KIRREL3: variants seen among roughly 807,000 people sequenced by gnomAD.
KIRREL3 encodes kin of IRRE-like protein 3.
A neutral mutation model predicts 89.7 loss-of-function variants in KIRREL3; 36 were observed. The observed-to-expected ratio is 0.40, with a 90% CI of 0.31 to 0.53. The LOEUF is 0.53. Ranked by LOEUF, KIRREL3 falls within the 20% of genes least tolerant of loss-of-function variation. The pLI, the probability that KIRREL3 is intolerant of heterozygous loss-of-function variation, is 0.49. For missense variants in KIRREL3, 864 were observed against 1,056.6 expected (o/e 0.82, Z 2.53); for synonymous variants, 445 against 441.4 (o/e 1.01, Z -0.10).
At chr11:126,597,832 C>T (rs528569981) in intron 1 of KIRREL3, among the ~76,000 whole-genome samples, 1 of 152,372 alleles carries the variant, frequency 6.6e-6, no homozygotes, top group South Asian at 2.1e-4. Flanking sequence ...CCTCTGCACC[C>T]ATTCCTGTCT....
chr11:126,471,395 A>T lies in KIRREL3; in HGVS notation c.591+1914T>A, dbSNP rs900062808. ...CAAAATAAATAAATAAATAAATAAA[A>T]TAAATAAAAAATAAAAAAAGAAAGA... is the stretch of plus-strand genomic sequence containing the variant. On this transcript the variant is annotated intron_variant, in intron 5 of 16. Transcript: ENST00000525144. The surrounding 1 kb of genome is among the most constrained non-coding windows in gnomAD (Gnocchi z 5.4). Among the ~76,000 whole-genome samples, 2 of 130,748 alleles carry T rather than the reference A, an allele frequency of 1.5e-5. No individual in the cohort carries two copies. The highest frequency in any genetic ancestry group is 5.3e-5 in the African/African-American group (2 of 37,544). The allele number at this position is 130,748 out of a possible 152,430, so 85.8% of individuals were successfully genotyped here.
In KIRREL3 at chr11:126,943,683, G is replaced by A. The variant is rs1375685182; in HGVS notation, c.55+56772C>T. ...GGTCACCAGGGCCAGAATGACTGAT[G>A]TGAGGGGTCAAGGGCAGGCTTTGCC... On this transcript the variant is annotated intron_variant, in intron 1 of 16. Coordinates refer to ENST00000525144, the MANE Select transcript of KIRREL3 (RefSeq NM_032531.4). The surrounding 1 kb of genome is among the most constrained non-coding windows in gnomAD (Gnocchi z 4.2). Among the ~76,000 whole-genome samples, 6 of 152,216 alleles carry A rather than the reference G, an allele frequency of 3.9e-5. No homozygotes were observed. Among genetic ancestry groups the A allele is most frequent in the Admixed American group, 3.3e-4 (5 of 15,286 alleles).
intron 1 of KIRREL3, among the ~76,000 whole-genome samples, chr11:126,899,712 T>C (rs911657053): frequency 6.6e-6 from 1 of 152,142 alleles, no homozygotes; most frequent in African/African-American, 2.4e-5. Context: ...AGCAGGAAGG[T>C]TGATTAAGTC....
intron 1 of KIRREL3, among the ~76,000 whole-genome samples, chr11:126,629,250 T>C (rs1943917348): frequency 6.6e-6 from 1 of 152,080 alleles, no homozygotes; most frequent in Non-Finnish European, 1.5e-5. Context: ...CACATGTGGG[T>C]AGAGGCGGAC....
chr11:126,733,730 A>T (rs1948709726), intron 1 of KIRREL3, among the ~76,000 whole-genome samples: 1 of 152,202 alleles, frequency 6.6e-6, no homozygotes, highest in Admixed American at 6.5e-5. Flanking sequence ...TTAATATTTT[A>T]TGAATTTCCC....
At chr11:126,957,560 C>T (rs1339415800) in intron 1 of KIRREL3, among the ~76,000 whole-genome samples, 3 of 152,208 alleles carry the variant, frequency 2.0e-5, no homozygotes, top group African/African-American at 7.2e-5. Flanking sequence ...ACTGCCAGCT[C>T]TGCAATTTCT....
chr11:126,937,256 C>G (rs1169993505), intron 1 of KIRREL3: 1 of 152,232 alleles, frequency 6.6e-6, no homozygotes, highest in African/African-American at 2.4e-5. Flanking sequence ...TCCCATTTAT[C>G]TCAGTGTGGG....
rs1367795436 is a variant in KIRREL3, at chr11:126,521,454, C to G, written c.294G>C (p.Gln98His). 1 of 1,582,608 alleles carries G rather than the reference C, an allele frequency of 6.3e-7. No individual in the cohort carries two copies. Among genetic ancestry groups the G allele is most frequent in the Non-Finnish European group, 8.6e-7 (1 of 1,164,316 alleles). ...ACAGGTGGTTCCCTACCACCAGGTA[C>G]TGTGGGTAACCTGTGGAGACAACAG... The part of the protein sequence containing the change: ...GVGRDLSSYP[Q>H]YLVVGNHLSG... The change falls in exon 4 of 17, where the codon CAG (glutamine) becomes CAC (histidine). Residue 98 changes from glutamine (Q) to histidine (H), a missense_variant. Gln to His is a conservative substitution (Grantham distance 24, BLOSUM62 0). Transcript: ENST00000525144. This position sits in a 1 kb window ranked among gnomAD's most constrained non-coding sequence, Gnocchi z 4.1.
At position 126,594,648 on chromosome 11, in the gene KIRREL3, C is replaced by G. The variant is rs1343140890; in HGVS notation, c.56-31736G>C. Among the ~76,000 whole-genome samples the G allele has an allele frequency of 6.6e-6, 1 of 151,446 alleles. No homozygotes were observed. The highest frequency in any genetic ancestry group is 1.5e-5 in the Non-Finnish European group (1 of 68,038). ...TGGTGCCTTTAAGAGTGCAATGAGG[C>G]CGCAGCAGAAACTATCTCTAAGGCC... On this transcript the variant is annotated intron_variant, in intron 1 of 16. Transcript: ENST00000525144. This position sits in a 1 kb window ranked among gnomAD's most constrained non-coding sequence, Gnocchi z 5.0.
intron 1 of KIRREL3, among the ~76,000 whole-genome samples, chr11:126,975,302 A>G (rs938189140): frequency 6.6e-6 from 1 of 152,084 alleles, no homozygotes; most frequent in Non-Finnish European, 1.5e-5. Flanking sequence ...ATGCACTATT[A>G]TCCATCCTCC....
Position 126,640,749 on chromosome 11 carries a change from G to A in KIRREL3, c.56-77837C>T, listed in dbSNP as rs972072529. Reference sequence around the variant, plus strand: ...TATGCCTAACTCTGTATGAGGGGTCGCTCAGAATGGAGGCATGCATGAAAG... The same window carrying A: ...TATGCCTAACTCTGTATGAGGGGTCACTCAGAATGGAGGCATGCATGAAAG... On this transcript the variant is annotated intron_variant, in intron 1 of 16. Transcript: ENST00000525144. This position sits in a 1 kb window ranked among gnomAD's most constrained non-coding sequence, Gnocchi z 4.9. 4.6e-5 allele frequency among the ~76,000 whole-genome samples: 7 copies of A among 152,064 alleles called. 1 individual carries two copies. In the South Asian group the frequency reaches 8.3e-4, roughly 18 times the overall value.
chr11:126,869,186 C>CATGGCAGAA (rs1945023261), intron 1 of KIRREL3, among the ~76,000 whole-genome samples: 1 of 136,018 alleles, frequency 7.4e-6, no homozygotes, highest in Admixed American at 8.1e-5. Flanking sequence ...CCTAGCAGGA[C>CATGGCAGAA]ATGGCAGAAT....
Position 126,521,593 on chromosome 11 carries a change from G to C in KIRREL3, c.284-129C>G, listed in dbSNP as rs1352679620. The C allele has an allele frequency of 2.6e-6, 2 of 781,612 alleles. No individual in the cohort carries two copies. The highest frequency in any genetic ancestry group is 4.0e-6 in the Non-Finnish European group (2 of 495,166). The allele number at this position is 781,612 out of a possible 1,614,324, so 48.4% of individuals were successfully genotyped here. ...GCTGGCAGAGCGGGTGATTGCTCAGGGCTCTGATCTCAGTGCAAGGAGCAC... is the reference window on the plus strand; with the variant it reads ...GCTGGCAGAGCGGGTGATTGCTCAGCGCTCTGATCTCAGTGCAAGGAGCAC... On this transcript the variant is annotated intron_variant, in intron 3 of 16. Coordinates refer to ENST00000525144, the MANE Select transcript of KIRREL3 (RefSeq NM_032531.4). The surrounding 1 kb of genome is among the most constrained non-coding windows in gnomAD (Gnocchi z 4.1).
At chr11:126,944,801 G>A (rs1948570192) in intron 1 of KIRREL3, 1 of 152,194 alleles carries the variant, frequency 6.6e-6, no homozygotes, top group African/African-American at 2.4e-5. Context: ...TTGCTCCTGG[G>A]GCCGCTAATT....
intron 1 of KIRREL3, among the ~76,000 whole-genome samples, chr11:126,577,592 C>CAA (rs61210940): frequency 0.3 from 34,334 of 115,746 alleles, 5,309 homozygotes; most frequent in African/African-American, 0.36. Flanking sequence ...ACTAAAAATA[C>CAA]AAAAAAAAAA....
At chr11:126,894,819 C>T (rs1565393162) in intron 1 of KIRREL3, among the ~76,000 whole-genome samples, 2 of 152,102 alleles carry the variant, frequency 1.3e-5, no homozygotes, top group East Asian at 3.9e-4. Context: ...GAATAGTGGG[C>T]CTGATCTATT....
intron 1 of KIRREL3, among the ~76,000 whole-genome samples, chr11:126,596,194 A>G (rs1273114187): frequency 6.6e-6 from 1 of 152,174 alleles, no homozygotes; most frequent in Non-Finnish European, 1.5e-5. Context: ...AGGAGTTCTG[A>G]CATCCAGTGT....
intron 1 of KIRREL3, among the ~76,000 whole-genome samples, chr11:126,762,094 G>A (rs1949681898): frequency 6.6e-6 from 1 of 152,096 alleles, no homozygotes; most frequent in Non-Finnish European, 1.5e-5. Context: ...GAGAATCACG[G>A]AACCCTGGAG....
intron 2 of KIRREL3, among the ~76,000 whole-genome samples, chr11:126,542,085 G>A (rs1938413359): frequency 1.3e-5 from 2 of 152,176 alleles, no homozygotes; most frequent in South Asian, 4.1e-4. Flanking sequence ...TGCTCTTCAG[G>A]TGTCCTGTGA....
Sources: gnomAD v4.1 joint callset for allele counts (sites outside exome capture counted in the v4.1 genomes callset) on GRCh38, gnomAD v4.1.1 for gene constraint, Gnocchi (gnomAD v3.1) non-coding constraint, MANE v1.5 for transcripts, NCBI Gene and HGNC (gene_info 2026-07-23, HGNC 2026-07-21) for gene names.